Variants in YEATS4 observed in about 807,000 individuals in gnomAD.
YEATS4 encodes the protein YEATS domain-containing protein 4.
A neutral mutation model predicts 30.1 loss-of-function variants in YEATS4; 17 were observed. The observed-to-expected ratio is 0.56, with a 90% CI of 0.39 to 0.85. YEATS4 has a LOEUF of 0.85. Among genes scored for constraint, YEATS4 ranks in the 40% least tolerant of loss-of-function variants. The pLI is 0.00. For synonymous variants in YEATS4, 85 were observed against 87.5 expected (o/e 0.97, Z 0.16); for missense variants, 142 against 268.3 (o/e 0.53, Z 3.29).
intron 6 of YEATS4, among the ~76,000 whole-genome samples, chr12:69,384,281 C>T (rs1876187058): frequency 6.6e-6 from 1 of 151,084 alleles, no homozygotes; most frequent in African/African-American, 2.4e-5. Context: ...AATTCAAGTG[C>T]TCACATTTTT....
At chr12:69,408,994 G>A in the YEATS4 span, among the ~76,000 whole-genome samples, 1 of 152,180 alleles carries the variant, frequency 6.6e-6, no homozygotes, top group African/African-American at 2.4e-5. Flanking sequence ...ATTTCGCTGA[G>A]GCTCGGTTTT....
the YEATS4 span, among the ~76,000 whole-genome samples, chr12:69,408,052 T>C: frequency 6.6e-6 from 1 of 152,180 alleles, no homozygotes; most frequent in African/African-American, 2.4e-5. Context: ...CTGATTATTA[T>C]GAGTTACGGA....
chr12:69,405,948 A>G, the YEATS4 span, among the ~76,000 whole-genome samples: 14 of 152,340 alleles, frequency 9.2e-5, no homozygotes, highest in African/African-American at 3.4e-4. Flanking sequence ...TGACTGAGGT[A>G]GCTAACTTTG....
chr12:69,404,835 T>G, the YEATS4 span, among the ~76,000 whole-genome samples: 1 of 152,222 alleles, frequency 6.6e-6, no homozygotes, highest in Non-Finnish European at 1.5e-5. Flanking sequence ...CCCTTCCCTC[T>G]GCCTTGATTA....
At chr12:69,402,720 C>CTT in the YEATS4 span, among the ~76,000 whole-genome samples, 4 of 130,724 alleles carry the variant, frequency 3.1e-5, no homozygotes, top group Non-Finnish European at 4.8e-5. Context: ...TTCTTTCTTT[C>CTT]TTTTCTTTTT....
chr12:69,393,574 G>GAAA (rs11345743), downstream of YEATS4, among the ~76,000 whole-genome samples: 3 of 141,182 alleles, frequency 2.1e-5, no homozygotes, highest in African/African-American at 8.0e-5. Flanking sequence ...ATAAAGAAAA[G>GAAA]AAAAAAAAAA....
the YEATS4 span, among the ~76,000 whole-genome samples, chr12:69,419,326 T>A: frequency 6.7e-6 from 1 of 148,270 alleles, no homozygotes; most frequent in Admixed American, 6.8e-5. Context: ...GCTCAAGACA[T>A]CCTCTTTCCT....
chr12:69,419,234 T>TG, the YEATS4 span, among the ~76,000 whole-genome samples: 1 of 145,926 alleles, frequency 6.9e-6, no homozygotes, highest in Non-Finnish European at 1.5e-5. Flanking sequence ...TTTTTTTTTT[T>TG]TTTAGAGACA....
chr12:69,370,801 A>G lies in YEATS4; in HGVS notation c.426+3A>G, dbSNP rs778441096. The G allele has an allele frequency of 6.3e-7, 1 of 1,596,750 alleles. No individual in the cohort carries two copies. The highest frequency in any genetic ancestry group is 1.1e-5 in the South Asian group (1 of 87,276). On this transcript the variant is annotated splice_donor_region_variant and intron_variant, in intron 5 of 6. Transcript: ENST00000247843. ...TTTCAGAGTTCTATGATGAAATGGTAAGAAGATTTTATAATGATAGTTTTA... is the reference window on the plus strand; with the variant it reads ...TTTCAGAGTTCTATGATGAAATGGTGAGAAGATTTTATAATGATAGTTTTA...
At chr12:69,362,020 T>TTTTTTTTG (rs1286011838) in intron 1 of YEATS4, among the ~76,000 whole-genome samples, 1 of 142,536 alleles carries the variant, frequency 7.0e-6, no homozygotes, top group Admixed American at 7.0e-5. Context: ...GTTGTTTTTT[T>TTTTTTTTG]TTTTTTTTTT....
chr12:69,393,357 G>T (rs1592863977), downstream of YEATS4, among the ~76,000 whole-genome samples: 1 of 152,044 alleles, frequency 6.6e-6, no homozygotes, highest in East Asian at 1.9e-4. Flanking sequence ...AGTCCTAGCT[G>T]CTCAGGAGGC....
intron 6 of YEATS4, among the ~76,000 whole-genome samples, chr12:69,373,600 C>T (rs1427929204): frequency 6.6e-6 from 1 of 152,002 alleles, no homozygotes; most frequent in African/African-American, 2.4e-5. Flanking sequence ...TTGTTGTTTC[C>T]TTTGTGGTAC....
chr12:69,387,008 C>G (rs936244618), intron 6 of YEATS4, among the ~76,000 whole-genome samples: 5 of 151,972 alleles, frequency 3.3e-5, no homozygotes, highest in Admixed American at 6.6e-5. Flanking sequence ...ACCCCACCCC[C>G]CAAAAAAATC....
the YEATS4 span, among the ~76,000 whole-genome samples, chr12:69,400,029 A>G: frequency 6.6e-6 from 1 of 152,176 alleles, no homozygotes; most frequent in South Asian, 2.1e-4. Context: ...GCGGTGATGG[A>G]AAAGTTCTTG....
rs1339832859 is a variant in YEATS4 at position 69,365,650 on chromosome 12, G to A, written c.189G>A (p.Val63=). The A allele has an allele frequency of 2.5e-6, 4 of 1,610,888 alleles. No individual in the cohort carries two copies. Among genetic ancestry groups the A allele is most frequent in the Non-Finnish European group, 3.4e-6 (4 of 1,177,798 alleles). ...PYRNEDMSAY[V]KKIQFKLHES... ...TATTTTAGGATATGTCAGCATATGT[G>A]AAGAAAATCCAGTTTAAATTACATG... Residue 63 remains valine (V), a synonymous_variant, in exon 3 of 7, where the codon GTG becomes GTA. Coordinates refer to ENST00000247843, the MANE Select transcript of YEATS4 (RefSeq NM_006530.4).
At chr12:69,363,380 G>A (rs1454670474) in intron 2 of YEATS4, among the ~76,000 whole-genome samples, 2 of 152,080 alleles carry the variant, frequency 1.3e-5, no homozygotes, top group African/African-American at 2.4e-5. Context: ...AAAAAATAGA[G>A]AACTGTCATC....
chr12:69,370,102 C>T lies in YEATS4; in HGVS notation c.334-604C>T, dbSNP rs61483916. 6.6e-5 allele frequency among the ~76,000 whole-genome samples: 10 copies of T among 152,138 alleles called. No individual in the cohort carries two copies. In the East Asian group the frequency reaches 9.6e-4, roughly 15 times the overall value. ...CTTCAACATGAAGTCTGATGTTTTC[C>T]GAACTAGATTTTATTTTGCTGAAAT... On this transcript the variant is annotated intron_variant, in intron 4 of 6. Coordinates refer to ENST00000247843, the MANE Select transcript of YEATS4 (RefSeq NM_006530.4).
chr12:69,412,304 C>T, the YEATS4 span, among the ~76,000 whole-genome samples: 1 of 152,166 alleles, frequency 6.6e-6, no homozygotes, highest in Non-Finnish European at 1.5e-5. Flanking sequence ...AAGGTATTCT[C>T]TCTGAACCTG....
chr12:69,408,629 A>G, the YEATS4 span, among the ~76,000 whole-genome samples: 1 of 152,196 alleles, frequency 6.6e-6, no homozygotes, highest in African/African-American at 2.4e-5. Context: ...GTCAAGAGGC[A>G]CCTTCCAGAG....
Sources: allele counts gnomAD v4.1 joint callset (sites outside exome capture counted in the v4.1 genomes callset), GRCh38; gene constraint gnomAD v4.1.1; transcripts MANE v1.5; gene names NCBI Gene and HGNC (gene_info 2026-07-23, HGNC 2026-07-21).